The following PTPN21 variants were observed in gnomAD, a reference collection of about 807,000 sequenced individuals.
PTPN21 encodes the protein tyrosine-protein phosphatase non-receptor type 21.
Under a neutral mutation model 131.8 loss-of-function variants are expected in PTPN21, and 77 were observed. That is an observed-to-expected ratio of 0.58 (90% CI 0.49 to 0.71). The LOEUF (loss-of-function observed/expected upper bound fraction) is 0.71. Among genes scored for constraint, PTPN21 ranks in the 30% least tolerant of loss-of-function variants. The pLI is 0.00. For synonymous variants in PTPN21, 715 were observed against 621.3 expected (o/e 1.15, Z -2.24); for missense variants, 1,552 against 1,527.1 (o/e 1.02, Z -0.27).
intron 2 of PTPN21, among the ~76,000 whole-genome samples, chr14:88,532,690 G>A (rs1451463476): frequency 6.6e-6 from 1 of 152,078 alleles, no homozygotes; most frequent in Non-Finnish European, 1.5e-5. Context: ...ATTAAAAGAT[G>A]ACAAATTAAA....
In PTPN21 at chr14:88,505,301, TACCACAGGA is replaced by T; in HGVS notation, c.510_516+2del. 6.3e-7 allele frequency: 1 copy of T among 1,596,100 alleles called. No homozygotes were observed. Among genetic ancestry groups the T allele is most frequent in the Non-Finnish European group, 8.6e-7 (1 of 1,165,072 alleles). ...AAAGGCCCAGTGTCAAAAGAAGTCT[TACCACAGGA>T]AACAAGGCAAATTTCTGAAGAAAGT... On this transcript the variant is annotated splice_donor_variant and coding_sequence_variant, in exon 5 of 19. Transcript: ENST00000556564. LOFTEE classifies it high-confidence loss of function.
chr14:88,473,629 A>T, intron 14 of PTPN21, 36 bp downstream of exon 14: 1 of 1,585,164 alleles, frequency 6.3e-7, no homozygotes. Flanking sequence ...CGGTTGTTCC[A>T]GAGAAGGCAC....
intron 2 of PTPN21, among the ~76,000 whole-genome samples, chr14:88,533,750 G>A (rs1356309034): frequency 2.0e-5 from 3 of 152,010 alleles, no homozygotes; most frequent in Admixed American, 2.0e-4. Context: ...AGGTGTGGTG[G>A]TGTAGACCCA....
At position 88,473,857 on chromosome 14, in the gene PTPN21, AAAG is replaced by A. The variant is rs2077507886; in HGVS notation, c.2512-58_2512-56del. 39 of 1,507,006 alleles carry A rather than the reference AAAG, an allele frequency of 2.6e-5. 1 individual carries two copies. In the South Asian group the frequency reaches 4.7e-4, roughly 18 times the overall value. 93.4% of individuals were successfully genotyped at this position (1,507,006 alleles called of 1,614,324 possible). A position where few individuals can be genotyped will look rare whatever the true frequency, so the allele number is the denominator to read the frequency against. Reference sequence around the variant, plus strand: ...ATATACACAAATACAACCCCTGTGAAAAGAAGTTTCAATGCACTGAAGACCAGG... The same window carrying A: ...ATATACACAAATACAACCCCTGTGAAAAGTTTCAATGCACTGAAGACCAGG... On this transcript the variant is annotated intron_variant, in intron 13 of 18. Transcript: ENST00000556564.
chr14:88,540,504 A>C (rs2078690857), intron 2 of PTPN21, among the ~76,000 whole-genome samples: 2 of 152,230 alleles, frequency 1.3e-5, no homozygotes, highest in South Asian at 4.1e-4. Context: ...TTGAGCACCA[A>C]AACTTTACCT....
At position 88,505,120 on chromosome 14, in the gene PTPN21, C is replaced by T. The variant is rs181810610; in HGVS notation, c.516+184G>A. Among the ~76,000 whole-genome samples the T allele has an allele frequency of 4.6e-5, 7 of 152,276 alleles. 1 individual carries two copies. Among genetic ancestry groups the T allele is most frequent in the African/African-American group, 1.7e-4 (7 of 41,566 alleles). On this transcript the variant is annotated intron_variant, in intron 5 of 18. Coordinates refer to ENST00000556564, the MANE Select transcript of PTPN21 (RefSeq NM_007039.4). ...ACAGACCCTTCAGTTTCTGTGGGTT[C>T]ACAAGGACCAAGATGACTACAACAG...
Position 88,504,481 on chromosome 14 carries a change from A to G in PTPN21, c.531T>C (p.Asp177=). 2 of 1,612,560 alleles carry G rather than the reference A, an allele frequency of 1.2e-6. No homozygotes were observed. Among genetic ancestry groups the G allele is most frequent in the Non-Finnish European group, 8.5e-7 (1 of 1,178,708 alleles). Residue 177 remains aspartate, a synonymous_variant, in exon 6 of 19, where the codon GAT becomes GAC. Coordinates refer to ENST00000556564, the MANE Select transcript of PTPN21 (RefSeq NM_007039.4). The stretch of plus-strand genomic sequence containing the variant: ...GGGTTGCTTCTTCCAATACTTTTTC[A>G]TCTTGTAACCATCCCTGAAGAAAAC... ...FALFPVGWLQ[D]EKVLEEATQK...
In PTPN21 at chr14:88,519,998, A is replaced by G. The variant is rs147562365; in HGVS notation, c.181-2737T>C. Among the ~76,000 whole-genome samples, 135 of 152,316 alleles carry G rather than the reference A, an allele frequency of 8.9e-4. 1 individual carries two copies. The highest frequency in any genetic ancestry group is 3.1e-3 in the African/African-American group (128 of 41,568). On this transcript the variant is annotated intron_variant, in intron 2 of 18. Transcript: ENST00000556564. ...TGGACTACCTCTACCAGAAGTACCT[A>G]GAGGGTTTCTTGGGCCCTAAAAAGC...
rs1162513844 is a variant in PTPN21 at position 88,500,860 on chromosome 14, T to C, written c.687A>G (p.Gly229=). The part of the protein sequence containing the change: ...EESYPAKDSQ[G]SDISIGACLE... ...GACACGCTCCAATGGATATGTCACT[T>C]CCTTGGCTATCCTACAAGGAGAAAG... Residue 229 remains glycine, a synonymous_variant, in exon 8 of 19, where the codon GGA becomes GGG. Coordinates refer to ENST00000556564, the MANE Select transcript of PTPN21 (RefSeq NM_007039.4). 6.2e-7 allele frequency: 1 copy of C among 1,611,784 alleles called. No individual in the cohort carries two copies. Among genetic ancestry groups the C allele is most frequent in the Non-Finnish European group, 8.5e-7 (1 of 1,178,080 alleles).
Position 88,480,197 on chromosome 14 carries a change from G to C in PTPN21, c.1234C>G (p.Pro412Ala). 1 of 1,614,188 alleles carries C rather than the reference G, an allele frequency of 6.2e-7. No individual in the cohort carries two copies. Among genetic ancestry groups the C allele is most frequent in the Middle Eastern group, 1.6e-4 (1 of 6,062 alleles). The change falls in exon 13 of 19, where the codon CCC becomes GCC. Residue 412 changes from proline (P) to alanine (A), a missense_variant. Physicochemically the swap from Pro to Ala is conservative, Grantham distance 27. Around this residue, in one of 4 missense-constraint regions of PTPN21, gnomAD observed 1,016 missense variants for 883.5 expected, o/e 1.15. Transcript: ENST00000556564. ...CTAGGGTTGGACGACATCGGCGAGGGCTGCAAGTAGGGCTGAGGATTATTT... is the reference window on the plus strand; with the variant it reads ...CTAGGGTTGGACGACATCGGCGAGGCCTGCAAGTAGGGCTGAGGATTATTT... ...SLNNPQPYLQ[P>A]SPMSSNPSIT...
At chr14:88,474,965 GCC>G (rs1287621805) in intron 13 of PTPN21, among the ~76,000 whole-genome samples, 11 of 152,118 alleles carry the variant, frequency 7.2e-5, no homozygotes, top group Admixed American at 7.2e-4. Flanking sequence ...GGTGGCACAT[GCC>G]TGTAATCCCA....
At chr14:88,519,373 C>A (rs1029243300) in intron 2 of PTPN21, among the ~76,000 whole-genome samples, 1 of 152,144 alleles carries the variant, frequency 6.6e-6, no homozygotes, top group Non-Finnish European at 1.5e-5. Flanking sequence ...CAGCCACTAG[C>A]CACATGTGGC....
chr14:88,468,335 A>C, intron 18 of PTPN21, 70 bp from the exon 19 acceptor site: 1 of 1,422,994 alleles, frequency 7.0e-7, no homozygotes, highest in Non-Finnish European at 9.5e-7. Flanking sequence ...GGAGGACACG[A>C]GTGTCCTGGC....
chr14:88,490,008 T>G (rs1456850344), intron 10 of PTPN21, among the ~76,000 whole-genome samples: 1 of 149,486 alleles, frequency 6.7e-6, no homozygotes, highest in Non-Finnish European at 1.5e-5. Flanking sequence ...AAATGTGTGG[T>G]TTTCTTTTTT....
Position 88,550,512 on chromosome 14 carries a change from A to AT in PTPN21, c.-96dup. 1 of 1,207,850 alleles carries AT rather than the reference A, an allele frequency of 8.3e-7. No homozygotes were observed. The highest frequency in any genetic ancestry group is 2.5e-5 in the East Asian group (1 of 40,552). 74.8% of individuals were successfully genotyped at this position (1,207,850 alleles called of 1,614,324 possible). ...GCCAGGAGAAAGCGATCCTCTCCGG[A>AT]TGGGACGAACACTGTCCGGCCTCCA... is the stretch of plus-strand genomic sequence containing the variant. On this transcript the variant is annotated 5_prime_UTR_variant, in exon 2 of 19. Transcript: ENST00000556564.
intron 2 of PTPN21, among the ~76,000 whole-genome samples, chr14:88,537,416 A>G (rs954212279): frequency 6.6e-6 from 1 of 152,124 alleles, no homozygotes; most frequent in African/African-American, 2.4e-5. Context: ...AAACACAAAT[A>G]AATATACTCT....
At chr14:88,497,393 T>A in intron 8 of PTPN21, 103 bp from the exon 9 acceptor site, 1 of 893,276 alleles carries the variant, frequency 1.1e-6, no homozygotes, top group Non-Finnish European at 1.8e-6. Flanking sequence ...AAGTTAGCAT[T>A]TGGTAACATT....
intron 4 of PTPN21, among the ~76,000 whole-genome samples, chr14:88,507,615 C>T (rs2078111636): frequency 1.3e-5 from 2 of 152,090 alleles, no homozygotes; most frequent in Admixed American, 6.6e-5. Flanking sequence ...TTTTGTTGAA[C>T]AAAATGTCAT....
intron 2 of PTPN21, among the ~76,000 whole-genome samples, chr14:88,540,137 T>G (rs2078686152): frequency 6.6e-6 from 1 of 152,172 alleles, no homozygotes; most frequent in African/African-American, 2.4e-5. Flanking sequence ...TTTTCTCCAA[T>G]CCATTATTAT....
Sources: allele counts gnomAD v4.1 joint callset (sites outside exome capture counted in the v4.1 genomes callset), GRCh38; gene constraint gnomAD v4.1.1; regional missense constraint gnomAD v4.1.1; transcripts MANE v1.5; gene names NCBI Gene and HGNC (gene_info 2026-07-23, HGNC 2026-07-21).